The following PLXNA4 variants were observed in gnomAD, a reference collection of about 807,000 sequenced individuals.
PLXNA4 encodes plexin-A4.
In PLXNA4, 44 loss-of-function variants were observed where a neutral mutation model predicts 191.8. The observed-to-expected ratio is 0.23, with a 90% CI of 0.18 to 0.29. The LOEUF (loss-of-function observed/expected upper bound fraction) is 0.29, where lower values mean the gene tolerates loss of function less well. Ranked by LOEUF, PLXNA4 falls within the 10% of genes least tolerant of loss-of-function variation. The pLI, the probability that PLXNA4 is intolerant of heterozygous loss-of-function variation, is 1.00. For missense variants in PLXNA4, 1,800 were observed against 2,488.8 expected, an observed-to-expected ratio of 0.72 and a Z score of 5.89; for synonymous variants, 1,082 against 1,009.5, an observed-to-expected ratio of 1.07 and a Z score of -1.36.
At chr7:132,488,111 T>A (rs1180321006) in intron 3 of PLXNA4, among the ~76,000 whole-genome samples, 1 of 152,090 alleles carries the variant, frequency 6.6e-6, no homozygotes, top group Admixed American at 6.6e-5. Flanking sequence ...GTGCTCATTG[T>A]TTTCTTTCCC....
rs563072072 is a variant in PLXNA4, at chr7:132,189,211, C to A, written c.2857-1604G>T. Reference sequence around the variant, plus strand: ...AAGGGGTAGAAGTGAGTAATCCCTGCAGGTGTTGCTGGGGCACTATCAAGG... The same window carrying A: ...AAGGGGTAGAAGTGAGTAATCCCTGAAGGTGTTGCTGGGGCACTATCAAGG... On this transcript the variant is annotated intron_variant, in intron 14 of 31. Transcript: ENST00000321063. Among the ~76,000 whole-genome samples, 346 of 151,812 alleles carry A rather than the reference C, an allele frequency of 2.3e-3. 1 individual carries two copies. The highest frequency in any genetic ancestry group is 3.6e-3 in the Non-Finnish European group (242 of 67,912).
intron 3 of PLXNA4, among the ~76,000 whole-genome samples, chr7:132,419,468 T>C (rs1171259422): frequency 1.3e-5 from 2 of 152,208 alleles, no homozygotes; most frequent in African/African-American, 4.8e-5. Context: ...ATAAGTAAGA[T>C]AAATAATTCA....
chr7:132,627,016 T>TACCTGC (rs1188297549), intron 2 of PLXNA4, among the ~76,000 whole-genome samples: 1 of 152,234 alleles, frequency 6.6e-6, no homozygotes, highest in African/African-American at 2.4e-5. Context: ...GGCTCCTGAC[T>TACCTGC]ACCTGCTCTA....
chr7:132,217,607 A>C (rs1349377593), intron 9 of PLXNA4, among the ~76,000 whole-genome samples: 1 of 152,094 alleles, frequency 6.6e-6, no homozygotes, highest in African/African-American at 2.4e-5. Context: ...CAACCCTCCA[A>C]ATTTATACTC....
intron 3 of PLXNA4, among the ~76,000 whole-genome samples, chr7:132,454,224 A>C (rs1245259379): frequency 6.6e-6 from 1 of 152,164 alleles, no homozygotes; most frequent in East Asian, 1.9e-4. Flanking sequence ...CAACAGCCCC[A>C]TCGTATAGAC....
At chr7:132,347,712 G>A (rs746282428) in intron 3 of PLXNA4, among the ~76,000 whole-genome samples, 49 of 152,156 alleles carry the variant, frequency 3.2e-4, no homozygotes, top group Non-Finnish European at 4.9e-4. Context: ...GGTCTGGGGA[G>A]GGAAGGCAGG....
intron 4 of PLXNA4, among the ~76,000 whole-genome samples, chr7:132,249,233 C>T (rs1379513570): frequency 6.6e-6 from 1 of 152,182 alleles, no homozygotes; most frequent in Non-Finnish European, 1.5e-5. Context: ...TCCTGCTCTG[C>T]CTTAAAGAAT....
At chr7:132,424,184 C>A (rs1048606989) in intron 3 of PLXNA4, among the ~76,000 whole-genome samples, 1 of 152,194 alleles carries the variant, frequency 6.6e-6, no homozygotes, top group Non-Finnish European at 1.5e-5. Flanking sequence ...GGGAGCCCCT[C>A]ACCCAACATC....
At chr7:132,298,917 A>G (rs568278313) in intron 3 of PLXNA4, among the ~76,000 whole-genome samples, 11 of 152,276 alleles carry the variant, frequency 7.2e-5, no homozygotes, top group Middle Eastern at 3.2e-3. Context: ...CCGGCCATCC[A>G]TAAGTCCTTC....
At chr7:132,365,370 CGCAT>C (rs1804133348) in intron 3 of PLXNA4, among the ~76,000 whole-genome samples, 1 of 139,196 alleles carries the variant, frequency 7.2e-6, no homozygotes. Context: ...TGCGTGCGCG[CGCAT>C]GCATGGGGCA....
At chr7:132,421,900 C>T (rs1010184516) in intron 3 of PLXNA4, among the ~76,000 whole-genome samples, 8 of 152,108 alleles carry the variant, frequency 5.3e-5, no homozygotes, top group Admixed American at 6.5e-5. Context: ...ATCACTGCTT[C>T]GCTGCAACCC....
At chr7:132,258,688 C>A (rs1799517857) in intron 4 of PLXNA4, among the ~76,000 whole-genome samples, 1 of 152,156 alleles carries the variant, frequency 6.6e-6, no homozygotes, top group Non-Finnish European at 1.5e-5. Flanking sequence ...CTTGGAGAAA[C>A]CACCCACACC....
At chr7:132,265,913 A>C (rs1453021550) in intron 4 of PLXNA4, among the ~76,000 whole-genome samples, 1 of 152,234 alleles carries the variant, frequency 6.6e-6, no homozygotes, top group African/African-American at 2.4e-5. Context: ...ATGGAGGTGC[A>C]CACAGGTCCT....
intron 4 of PLXNA4, among the ~76,000 whole-genome samples, chr7:132,247,165 T>C (rs1469508015): frequency 2.6e-5 from 4 of 152,320 alleles, no homozygotes; most frequent in Non-Finnish European, 4.4e-5. Context: ...TTCTGAAGGG[T>C]GCCTGCTGTT....
chr7:132,357,768 C>G (rs1803770010), intron 3 of PLXNA4, among the ~76,000 whole-genome samples: 1 of 152,184 alleles, frequency 6.6e-6, no homozygotes, highest in African/African-American at 2.4e-5. Flanking sequence ...AGATAGCAGA[C>G]TCTTCAGGGG....
At chr7:132,458,273 G>A (rs1341405067) in intron 3 of PLXNA4, among the ~76,000 whole-genome samples, 3 of 151,596 alleles carry the variant, frequency 2.0e-5, no homozygotes, top group African/African-American at 4.9e-5. Context: ...CTACCAAAGC[G>A]GTACACATGC....
chr7:132,177,381 G>T (rs1796510748), intron 20 of PLXNA4, among the ~76,000 whole-genome samples: 1 of 152,200 alleles, frequency 6.6e-6, no homozygotes, highest in South Asian at 2.1e-4. Context: ...AAGTCTTCAA[G>T]GAGACCCCTT....
At chr7:132,451,547 T>C (rs1485617527) in intron 3 of PLXNA4, among the ~76,000 whole-genome samples, 1 of 152,256 alleles carries the variant, frequency 6.6e-6, no homozygotes, top group Non-Finnish European at 1.5e-5. Flanking sequence ...AGGGCTTGCC[T>C]GCACTGATGT....
chr7:132,164,345 C>G, intron 23 of PLXNA4, 57 bp from the exon 24 acceptor site: 2 of 1,592,380 alleles, frequency 1.3e-6, no homozygotes, highest in African/African-American at 1.3e-5. Flanking sequence ...AGTGTACCCC[C>G]AGTCCCTGCT....
Sources: gnomAD v4.1 joint callset for allele counts (sites outside exome capture counted in the v4.1 genomes callset) on GRCh38, gnomAD v4.1.1 for gene constraint, MANE v1.5 for transcripts, NCBI Gene and HGNC (gene_info 2026-07-23, HGNC 2026-07-21) for gene names.